FMN1: variants seen among roughly 807,000 people sequenced by gnomAD.
FMN1 encodes formin-1.
A neutral mutation model predicts 132.4 loss-of-function variants in FMN1; 110 were observed. The ratio of observed to expected loss-of-function variants is 0.83; its 90% CI spans 0.71 to 0.97. FMN1 has a LOEUF of 0.97. Among genes scored for constraint, FMN1 ranks in the 50% least tolerant of loss-of-function variants. FMN1 has a pLI of 0.00. For synonymous variants in FMN1, 722 were observed against 651.7 expected, an observed-to-expected ratio of 1.11 and a Z score of -1.64; for missense variants, 1,792 against 1,705.3, an observed-to-expected ratio of 1.05 and a Z score of -0.90.
chr15:32,903,353 T>C (rs910934570), intron 12 of FMN1, among the ~76,000 whole-genome samples: 4 of 152,264 alleles, frequency 2.6e-5, no homozygotes, highest in African/African-American at 7.2e-5. Flanking sequence ...TACTTCTTAA[T>C]GAATATTAAA....
Position 33,060,245 on chromosome 15 carries a change from T to TA in FMN1, c.2161+4711dup, listed in dbSNP as rs2141223600. On this transcript the variant is annotated intron_variant, in intron 6 of 20. Coordinates refer to ENST00000616417, the MANE Select transcript of FMN1 (RefSeq NM_001277313.2). ...GATAATTTGTCTGGACACATAACTT[T>TA]AAAGGAAAATCCATTGCTGACTAAC... is the stretch of plus-strand genomic sequence containing the variant. 1.3e-5 allele frequency among the ~76,000 whole-genome samples: 2 copies of TA among 152,302 alleles called. 1 individual carries two copies.
At position 33,003,876 on chromosome 15, in the gene FMN1, C is replaced by A. The variant is rs564863426; in HGVS notation, c.2223+4138G>T. 2.6e-4 allele frequency among the ~76,000 whole-genome samples: 39 copies of A among 152,238 alleles called. 3 individuals are homozygous for A. The highest frequency in any genetic ancestry group is 2.5e-3 in the East Asian group (13 of 5,178). ...GATCAATGGAACAGAACAGAGCCCTCAGAAATAATGCCGCATATCTACAAC... is the reference window on the plus strand; with the variant it reads ...GATCAATGGAACAGAACAGAGCCCTAAGAAATAATGCCGCATATCTACAAC... On this transcript the variant is annotated intron_variant, in intron 7 of 20. Transcript: ENST00000616417.
intron 9 of FMN1, among the ~76,000 whole-genome samples, chr15:32,961,659 T>C (rs1567468715): frequency 6.6e-6 from 1 of 152,194 alleles, no homozygotes; most frequent in Non-Finnish European, 1.5e-5. Flanking sequence ...TGTCATATGT[T>C]GAGCACTGAC....
At chr15:33,058,542 A>G (rs2037339582) in intron 6 of FMN1, among the ~76,000 whole-genome samples, 1 of 152,234 alleles carries the variant, frequency 6.6e-6, no homozygotes, top group Non-Finnish European at 1.5e-5. Flanking sequence ...TCCACAGCCT[A>G]GAAGCATTTT....
chr15:33,048,110 G>C (rs533854779), intron 6 of FMN1, among the ~76,000 whole-genome samples: 2 of 141,478 alleles, frequency 1.4e-5, no homozygotes, highest in East Asian at 4.0e-4. Flanking sequence ...TAAAGATTAT[G>C]GGTAAAATAA....
chr15:33,004,364 C>T (rs568265982), intron 7 of FMN1, among the ~76,000 whole-genome samples: 1 of 152,246 alleles, frequency 6.6e-6, no homozygotes, highest in South Asian at 2.1e-4. Context: ...ACAACCCCAT[C>T]AAAAAGTAGG....
At position 32,969,342 on chromosome 15, in the gene FMN1, C is replaced by A. The variant is rs757453823; in HGVS notation, c.2359G>T (p.Val787Leu). ...CAGTCATCATCGGTGGAAATGCACA[C>A]ATCTTTCCTCTCTTCACAACCCCCT... ...WRGGCEERKD[V>L]CISTDDDCPP... Residue 787 changes from valine (V) to leucine (L), a missense_variant, in exon 8 of 21, where the codon GTG (valine) becomes TTG (leucine). Val to Leu is a conservative substitution (Grantham distance 32). This residue lies in a region of FMN1 where 1,150 missense variants were observed against 1,043.1 expected (regional missense o/e 1.10). Coordinates refer to ENST00000616417, the MANE Select transcript of FMN1 (RefSeq NM_001277313.2). The A allele has an allele frequency of 6.2e-7, 1 of 1,613,990 alleles. No individual in the cohort carries two copies. Among genetic ancestry groups the A allele is most frequent in the Non-Finnish European group, 8.5e-7 (1 of 1,179,878 alleles).
chr15:32,988,563 G>A (rs1326396352), intron 7 of FMN1, among the ~76,000 whole-genome samples: 2 of 152,190 alleles, frequency 1.3e-5, no homozygotes. Context: ...CTTTGGCAGA[G>A]CAATTTCCAC....
At chr15:32,914,460 G>A (rs1365092906) in intron 10 of FMN1, among the ~76,000 whole-genome samples, 1 of 152,164 alleles carries the variant, frequency 6.6e-6, no homozygotes, top group East Asian at 1.9e-4. Flanking sequence ...CTTAATTAAA[G>A]GGACTAGAAA....
At chr15:32,884,402 A>T (rs927431234) in intron 16 of FMN1, among the ~76,000 whole-genome samples, 1 of 152,142 alleles carries the variant, frequency 6.6e-6, no homozygotes, top group African/African-American at 2.4e-5. Flanking sequence ...TTACGTCGTT[A>T]TATCTCCCTC....
At chr15:33,012,107 C>T in intron 6 of FMN1, 1 of 420,248 alleles carries the variant, frequency 2.4e-6, no homozygotes, top group Admixed American at 3.6e-5. Context: ...TGTCTCTCTT[C>T]CCACTGCTGT....
chr15:33,018,916 G>A (rs1027227692), intron 6 of FMN1, among the ~76,000 whole-genome samples: 2 of 152,170 alleles, frequency 1.3e-5, no homozygotes, highest in African/African-American at 4.8e-5. Flanking sequence ...GCTCAGGAGT[G>A]AAGCTGCAGA....
At chr15:32,787,068 C>G (rs1047115753) in intron 19 of FMN1, among the ~76,000 whole-genome samples, 1 of 152,212 alleles carries the variant, frequency 6.6e-6, no homozygotes, top group Non-Finnish European at 1.5e-5. Context: ...CGAGGCATTT[C>G]TGAATTCCTG....
chr15:33,124,802 G>A (rs536016526), intron 4 of FMN1, among the ~76,000 whole-genome samples: 20 of 150,934 alleles, frequency 1.3e-4, no homozygotes, highest in Non-Finnish European at 2.2e-4. Context: ...TTTTTGCATG[G>A]GATCAATTCA....
chr15:32,790,958 T>C (rs1429552095), intron 19 of FMN1, among the ~76,000 whole-genome samples: 1 of 152,214 alleles, frequency 6.6e-6, no homozygotes, highest in East Asian at 1.9e-4. Flanking sequence ...CTAATTCTTT[T>C]ATTAAGGGAG....
intron 9 of FMN1, among the ~76,000 whole-genome samples, chr15:32,953,826 G>A (rs903549606): frequency 2.6e-5 from 4 of 152,280 alleles, no homozygotes; most frequent in South Asian, 2.1e-4. Flanking sequence ...ACTGTATACC[G>A]GAAGGTGGGA....
At chr15:33,156,241 CA>C (rs1280317058) in intron 3 of FMN1, among the ~76,000 whole-genome samples, 1 of 146,174 alleles carries the variant, frequency 6.8e-6, no homozygotes, top group Non-Finnish European at 1.5e-5. Flanking sequence ...GCCTCTTTCA[CA>C]ATTGTATATG....
intron 17 of FMN1, among the ~76,000 whole-genome samples, chr15:32,827,838 C>T (rs150146190): frequency 1.2e-3 from 168 of 144,374 alleles, no homozygotes; most frequent in African/African-American, 3.1e-3. Flanking sequence ...AGCAAGACTC[C>T]GTCTCAAGAA....
intron 5 of FMN1, among the ~76,000 whole-genome samples, chr15:33,080,434 CATTTA>C (rs2038406220): frequency 2.0e-5 from 3 of 152,152 alleles, no homozygotes; most frequent in Admixed American, 2.0e-4. Flanking sequence ...ACTGCTAGTG[CATTTA>C]ATTATATGTC....
Sources: gnomAD v4.1 joint callset for allele counts (sites outside exome capture counted in the v4.1 genomes callset) on GRCh38, gnomAD v4.1.1 for gene constraint, gnomAD v4.1.1 regional missense constraint, MANE v1.5 for transcripts, NCBI Gene and HGNC (gene_info 2026-07-23, HGNC 2026-07-21) for gene names.